MYSM1: variants seen among roughly 807,000 people sequenced by gnomAD.
The protein encoded by MYSM1 is Myb like, SWIRM and MPN domains 1.
MYSM1 carries 51 observed loss-of-function variants against 116.0 expected under a neutral mutation model. The ratio of observed to expected loss-of-function variants is 0.44; its 90% CI spans 0.35 to 0.56. The LOEUF is 0.56. Ranked by LOEUF, MYSM1 falls within the 20% of genes least tolerant of loss-of-function variation. The pLI, the probability that MYSM1 is intolerant of heterozygous loss-of-function variation, is 0.00. For missense variants in MYSM1, 900 were observed against 974.9 expected, an observed-to-expected ratio of 0.92 and a Z score of 1.02; for synonymous variants, 313 against 315.2, an observed-to-expected ratio of 0.99 and a Z score of 0.07.
At chr1:58,697,653 G>C (rs929488556) in intron 1 of MYSM1, among the ~76,000 whole-genome samples, 3 of 151,148 alleles carry the variant, frequency 2.0e-5, no homozygotes, top group African/African-American at 4.9e-5. Flanking sequence ...GCAATGGCGC[G>C]ATCTCGGCTC....
intron 1 of MYSM1, chr1:58,699,626 A>T: frequency 1.0e-6 from 1 of 985,136 alleles, no homozygotes. Flanking sequence ...CCCTGACCTC[A>T]GGTCTCGTCC....
At chr1:58,678,516 A>C (rs1280447581) in intron 8 of MYSM1, among the ~76,000 whole-genome samples, 1 of 152,160 alleles carries the variant, frequency 6.6e-6, no homozygotes, top group African/African-American at 2.4e-5. Context: ...TCCCCCTAAC[A>C]AATAAGAGTA....
intron 1 of MYSM1, among the ~76,000 whole-genome samples, chr1:58,698,258 G>A (rs891868162): frequency 2.3e-4 from 34 of 149,486 alleles, no homozygotes; most frequent in African/African-American, 7.9e-4. Flanking sequence ...CCACCACCAC[G>A]CCCAGCTAAT....
At chr1:58,668,924 T>G (rs188717727) in intron 13 of MYSM1, 60 bp downstream of exon 13, 13 of 1,210,968 alleles carry the variant, frequency 1.1e-5, no homozygotes, top group African/African-American at 1.0e-4. Context: ...GAGTAAGCAT[T>G]TCCTGTTTGA....
chr1:58,698,104 T>TATATATATATATATA (rs1557530217), intron 1 of MYSM1, among the ~76,000 whole-genome samples: 1 of 11,354 alleles, frequency 8.8e-5, no homozygotes, highest in African/African-American at 2.9e-4. Flanking sequence ...ATATATATAT[T>TATATATATATATATA]TTTTTTTTTT....
chr1:58,681,977 A>G lies in MYSM1; in HGVS notation c.1067T>C (p.Leu356Pro), dbSNP rs373078499. The change falls in exon 8 of 20, where the codon CTT becomes CCT. Residue 356 changes from leucine to proline, a missense_variant. This residue lies in a region of MYSM1 where 622 missense variants were observed against 623.7 expected (regional missense o/e 1.00). Transcript: ENST00000472487. Reference sequence around the variant, plus strand: ...CTCTACCATTTGGCAAGAATGAAAAAGCATTTCATTATCATTCAAATTTTT... The same window carrying G: ...CTCTACCATTTGGCAAGAATGAAAAGGCATTTCATTATCATTCAAATTTTT... Reference protein sequence around the residue: ...IQKNLNDNEMLFHSCQMVEES... With the variant: ...IQKNLNDNEMPFHSCQMVEES... 17 of 1,614,032 alleles carry G rather than the reference A, an allele frequency of 1.1e-5. No individual in the cohort carries two copies. Among genetic ancestry groups the G allele is most frequent in the Middle Eastern group, 3.3e-4 (2 of 6,082 alleles).
chr1:58,680,687 G>A (rs912089017), intron 8 of MYSM1, among the ~76,000 whole-genome samples: 3 of 152,170 alleles, frequency 2.0e-5, no homozygotes, highest in African/African-American at 7.2e-5. Context: ...AATAGGACAG[G>A]AAGGCTTTCC....
intron 7 of MYSM1, among the ~76,000 whole-genome samples, chr1:58,684,117 A>T (rs1644789698): frequency 6.6e-6 from 1 of 152,188 alleles, no homozygotes; most frequent in East Asian, 1.9e-4. Flanking sequence ...TGATGAATCC[A>T]TTCCATTAGT....
rs1645037308 is a variant in MYSM1, at chr1:58,699,885, CTGTTCCCTTTTCCCT to C, written c.68+85_68+99del. 7 of 1,569,060 alleles carry C rather than the reference CTGTTCCCTTTTCCCT, an allele frequency of 4.5e-6. No individual in the cohort carries two copies. In the East Asian group the frequency reaches 1.4e-4, roughly 31 times the overall value. On this transcript the variant is annotated intron_variant, in intron 1 of 19. Transcript: ENST00000472487. ...AGACCCTGGCCCAGGGGACAGTCTTCTGTTCCCTTTTCCCTTGCCGGACCTGCAGCTTTCCCAGGG... is the reference window on the plus strand; with the variant it reads ...AGACCCTGGCCCAGGGGACAGTCTTCTGCCGGACCTGCAGCTTTCCCAGGG...
intron 8 of MYSM1, among the ~76,000 whole-genome samples, chr1:58,678,517 A>G (rs1373258974): frequency 6.6e-6 from 1 of 152,178 alleles, no homozygotes; most frequent in Non-Finnish European, 1.5e-5. Flanking sequence ...CCCCCTAACA[A>G]ATAAGAGTAC....
intron 8 of MYSM1, among the ~76,000 whole-genome samples, chr1:58,679,184 T>A (rs1244019927): frequency 3.3e-5 from 5 of 152,132 alleles, no homozygotes; most frequent in African/African-American, 1.2e-4. Context: ...TATTTTTTTT[T>A]AACACCACCT....
chr1:58,678,920 C>A (rs890568163), intron 8 of MYSM1, among the ~76,000 whole-genome samples: 2 of 152,044 alleles, frequency 1.3e-5, no homozygotes, highest in African/African-American at 4.8e-5. Context: ...CCTAGTGTGA[C>A]CTGGAAAAGT....
chr1:58,693,011 T>C, intron 2 of MYSM1, 80 bp from the exon 3 acceptor site: 1 of 1,110,186 alleles, frequency 9.0e-7, no homozygotes. Flanking sequence ...GAAAAATACA[T>C]GTTATAATGA....
intron 12 of MYSM1, 40 bp from the exon 13 acceptor site, chr1:58,669,078 AT>A: frequency 7.3e-7 from 1 of 1,370,654 alleles, no homozygotes; most frequent in Non-Finnish European, 1.0e-6. Flanking sequence ...TCTCAACAAG[AT>A]TAGGAAAATA....
chr1:58,690,092 T>C lies in MYSM1; in HGVS notation c.320+134A>G, dbSNP rs1644882121. On this transcript the variant is annotated intron_variant, in intron 5 of 19. Coordinates refer to ENST00000472487, the MANE Select transcript of MYSM1 (RefSeq NM_001085487.3). ...TACTTGTGCCACTCCAACATCTTTA[T>C]TAAAAAAACTGTTTTTATATCTACT... 78 of 692,532 alleles carry C rather than the reference T, an allele frequency of 1.1e-4. 3 individuals carry two copies. In the South Asian group the frequency reaches 1.7e-3, roughly 15 times the overall value. 42.9% of individuals were successfully genotyped at this position (692,532 alleles called of 1,614,324 possible).
rs911679927 is a variant in MYSM1 at position 58,700,056 on chromosome 1, G to A, written c.-4C>T. ...CATCCGCCTCTTCAGCCGCCATGAT[G>A]GGACCTGACCCCGTCCGTCCTCCCG... On this transcript the variant is annotated 5_prime_UTR_variant, in exon 1 of 20. Transcript: ENST00000472487. The A allele has an allele frequency of 1.4e-5, 22 of 1,613,476 alleles. No individual in the cohort carries two copies. Among genetic ancestry groups the A allele is most frequent in the Admixed American group, 6.7e-5 (4 of 59,996 alleles).
chr1:58,692,731 T>C (rs1339017977), intron 3 of MYSM1, 130 bp downstream of exon 3: 1 of 589,264 alleles, frequency 1.7e-6, no homozygotes, highest in African/African-American at 1.9e-5. Flanking sequence ...ATAGGTAACA[T>C]GAAATTATAT....
intron 9 of MYSM1, among the ~76,000 whole-genome samples, chr1:58,676,357 A>G (rs977812172): frequency 2.6e-5 from 4 of 151,354 alleles, no homozygotes; most frequent in African/African-American, 9.7e-5. Context: ...CGGAAGTTGC[A>G]GTGAGCAGAG....
rs1491530995 is a variant in MYSM1 at position 58,698,103 on chromosome 1, T to TATATATATATATATATA, written c.68+1881_68+1882insTATATATATATATATAT. ...ATCAGACTATATATATATATATATA[T>TATATATATATATATATA]TTTTTTTTTTTTTTTGAGACAGAGT... On this transcript the variant is annotated intron_variant, in intron 1 of 19. Coordinates refer to ENST00000472487, the MANE Select transcript of MYSM1 (RefSeq NM_001085487.3). 4.8e-4 allele frequency among the ~76,000 whole-genome samples: 8 copies of TATATATATATATATATA among 16,682 alleles called. 1 individual carries two copies. The highest frequency in any genetic ancestry group is 1.6e-3 in the East Asian group (1 of 614). The allele number at this position is 16,682 out of a possible 152,430, so 10.9% of individuals were successfully genotyped here.
Sources: gnomAD v4.1 joint callset for allele counts (sites outside exome capture counted in the v4.1 genomes callset) on GRCh38, gnomAD v4.1.1 for gene constraint, gnomAD v4.1.1 regional missense constraint, MANE v1.5 for transcripts, NCBI Gene and HGNC (gene_info 2026-07-23, HGNC 2026-07-21) for gene names.